Variants in KIF13B observed in about 807,000 individuals in gnomAD.
The protein encoded by KIF13B is kinesin-like protein KIF13B.
KIF13B carries 127 observed loss-of-function variants against 222.0 expected under a neutral mutation model. The ratio of observed to expected loss-of-function variants is 0.57; its 90% CI spans 0.50 to 0.66. The LOEUF (loss-of-function observed/expected upper bound fraction) is 0.66. KIF13B is among the 30% of genes least tolerant of loss of function. The pLI, the probability that KIF13B is intolerant of heterozygous loss-of-function variation, is 0.00. For missense variants in KIF13B, 2,173 were observed against 2,379.0 expected, an observed-to-expected ratio of 0.91 and a Z score of 1.80; for synonymous variants, 976 against 919.0, an observed-to-expected ratio of 1.06 and a Z score of -1.12.
chr8:29,159,082 G>A (rs796730821), intron 13 of KIF13B, among the ~76,000 whole-genome samples: 17 of 152,258 alleles, frequency 1.1e-4, no homozygotes, highest in African/African-American at 3.9e-4. Context: ...ACATTCATAT[G>A]AATATCCCCA....
At chr8:29,140,688 T>C in intron 19 of KIF13B, 71 bp from the exon 20 acceptor site, 2 of 1,336,178 alleles carry the variant, frequency 1.5e-6, no homozygotes, top group Non-Finnish European at 2.1e-6. Flanking sequence ...CTACTGCTTT[T>C]TGATGCACTC....
intron 2 of KIF13B, among the ~76,000 whole-genome samples, chr8:29,209,979 C>T (rs1299332801): frequency 6.6e-6 from 1 of 151,362 alleles, no homozygotes; most frequent in Non-Finnish European, 1.5e-5. Context: ...TCACTTGAGA[C>T]CAGTTGGTCA....
intron 29 of KIF13B, among the ~76,000 whole-genome samples, chr8:29,121,209 A>C (rs1432947879): frequency 4.8e-5 from 6 of 124,464 alleles, no homozygotes; most frequent in Non-Finnish European, 1.0e-4. Flanking sequence ...AAACTACTTT[A>C]AAGTTCATAT....
chr8:29,072,065 C>G lies in KIF13B; in HGVS notation c.4773G>C (p.Pro1591=). 3 of 1,307,964 alleles carry G rather than the reference C, an allele frequency of 2.3e-6. No individual in the cohort carries two copies. Among genetic ancestry groups the G allele is most frequent in the South Asian group, 4.8e-5 (2 of 41,724 alleles). The allele number at this position is 1,307,964 out of a possible 1,614,324, so 81.0% of individuals were successfully genotyped here. Residue 1591 remains proline (P), a synonymous_variant, in exon 39 of 40, where the codon CCG becomes CCC. Coordinates refer to ENST00000524189, the MANE Select transcript of KIF13B (RefSeq NM_015254.4). ...ALGPGLDAAA[P]PGSMPTAPEA... The stretch of plus-strand genomic sequence containing the variant: ...CAGGGGCGGTGGGCATGGACCCCGG[C>G]GGGGCCGCAGCGTCCAGGCCGGGGC...
Position 29,071,825 on chromosome 8 carries a change from C to G in KIF13B, c.5013G>C (p.Pro1671=), listed in dbSNP as rs1244328683. Residue 1671 remains proline (P), a synonymous_variant, in exon 39 of 40, where the codon CCG becomes CCC. Coordinates refer to ENST00000524189, the MANE Select transcript of KIF13B (RefSeq NM_015254.4). This position sits in a 1 kb window ranked among gnomAD's most constrained non-coding sequence, Gnocchi z 4.9. Reference sequence around the variant, plus strand: ...GGGCCGGCGCATTCCCCTCGGCCCCCGGGGAGCAGCCGGGGTCCCCAGCCA... The same window carrying G: ...GGGCCGGCGCATTCCCCTCGGCCCCGGGGGAGCAGCCGGGGTCCCCAGCCA... ...RMLAGDPGCS[P]GAEGNAPAPG... is the part of the protein sequence containing the mutation. 1.9e-6 allele frequency: 3 copies of G among 1,542,206 alleles called. No individual in the cohort carries two copies. The highest frequency in any genetic ancestry group is 1.4e-5 in the African/African-American group (1 of 73,056).
At chr8:29,080,510 G>A (rs940960250) in intron 37 of KIF13B, among the ~76,000 whole-genome samples, 1 of 152,152 alleles carries the variant, frequency 6.6e-6, no homozygotes, top group East Asian at 1.9e-4. Flanking sequence ...CCAGCCTCCG[G>A]CATGTGAGGC....
chr8:29,133,685 C>T (rs1279595461), intron 22 of KIF13B, among the ~76,000 whole-genome samples: 1 of 152,198 alleles, frequency 6.6e-6, no homozygotes, highest in Non-Finnish European at 1.5e-5. Flanking sequence ...CTTTACAGAG[C>T]ATTCGGTGCT....
intron 37 of KIF13B, among the ~76,000 whole-genome samples, chr8:29,091,920 T>C (rs752828105): frequency 2.0e-5 from 3 of 152,270 alleles, no homozygotes; most frequent in Non-Finnish European, 2.9e-5. Flanking sequence ...CATGGCAGCC[T>C]GATAAAACTA....
chr8:29,101,728 C>T (rs1014212375), intron 35 of KIF13B, among the ~76,000 whole-genome samples: 9 of 152,228 alleles, frequency 5.9e-5, no homozygotes, highest in Non-Finnish European at 1.0e-4. Context: ...CACATGCTCC[C>T]CCCGCAACCC....
intron 22 of KIF13B, 107 bp downstream of exon 22, chr8:29,133,933 C>T (rs896513841): frequency 1.7e-5 from 18 of 1,087,656 alleles, no homozygotes; most frequent in Middle Eastern, 4.9e-4. Flanking sequence ...ACAGAAACTG[C>T]TCCAAGACAT....
chr8:29,257,431 A>C (rs544349593), intron 1 of KIF13B, among the ~76,000 whole-genome samples: 9 of 152,112 alleles, frequency 5.9e-5, no homozygotes, highest in Non-Finnish European at 1.2e-4. Flanking sequence ...CTCAATCAGC[A>C]CTTCAATCCA....
At chr8:29,211,372 G>A (rs977491381) in intron 2 of KIF13B, among the ~76,000 whole-genome samples, 2 of 152,208 alleles carry the variant, frequency 1.3e-5, no homozygotes, top group African/African-American at 4.8e-5. Flanking sequence ...GTAAAATGAG[G>A]ATCCCTGAGA....
At chr8:29,232,603 A>G (rs765892073) in intron 2 of KIF13B, among the ~76,000 whole-genome samples, 9 of 152,018 alleles carry the variant, frequency 5.9e-5, no homozygotes, top group Non-Finnish European at 7.4e-5. Context: ...GAAATTTTAC[A>G]GTTTTCTTTT....
At chr8:29,254,761 T>C (rs1816411550) in intron 1 of KIF13B, among the ~76,000 whole-genome samples, 1 of 152,250 alleles carries the variant, frequency 6.6e-6, no homozygotes, top group Non-Finnish European at 1.5e-5. Context: ...AGTTACTATA[T>C]GACTCAGAAA....
intron 2 of KIF13B, among the ~76,000 whole-genome samples, chr8:29,230,973 C>T (rs1053866376): frequency 6.6e-6 from 1 of 152,184 alleles, no homozygotes; most frequent in Non-Finnish European, 1.5e-5. Flanking sequence ...TCAACCTCCC[C>T]AGACTCAGGT....
chr8:29,208,957 T>C (rs1306742238), intron 2 of KIF13B, among the ~76,000 whole-genome samples: 1 of 152,178 alleles, frequency 6.6e-6, no homozygotes, highest in Non-Finnish European at 1.5e-5. Flanking sequence ...CAAGTGATGG[T>C]GGCCAACTCC....
intron 38 of KIF13B, among the ~76,000 whole-genome samples, chr8:29,074,579 AC>A (rs2133478378): frequency 1.3e-5 from 2 of 152,358 alleles, no homozygotes; most frequent in Non-Finnish European, 2.9e-5. Context: ...CATCCTGCTG[AC>A]CAGGGACACT....
intron 29 of KIF13B, among the ~76,000 whole-genome samples, chr8:29,120,244 A>G (rs1386635836): frequency 4.2e-5 from 5 of 119,256 alleles, no homozygotes; most frequent in African/African-American, 1.6e-4. Context: ...TTAGTTACAT[A>G]TGTATACATG....
At chr8:29,161,034 T>C (rs539932058) in intron 12 of KIF13B, among the ~76,000 whole-genome samples, 167 bp from the exon 13 acceptor site, 5 of 152,360 alleles carry the variant, frequency 3.3e-5, no homozygotes, top group Admixed American at 2.0e-4. Context: ...CCAAACTATA[T>C]GATTTTTTTG....
Sources: allele counts gnomAD v4.1 joint callset (sites outside exome capture counted in the v4.1 genomes callset), GRCh38; gene constraint gnomAD v4.1.1; non-coding constraint Gnocchi (gnomAD v3.1); transcripts MANE v1.5; gene names NCBI Gene and HGNC (gene_info 2026-07-23, HGNC 2026-07-21).